OR51B5: variants seen among roughly 807,000 people sequenced by gnomAD.
OR51B5 encodes olfactory receptor family 51 subfamily B member 5, also known as olfactory receptor 51B5.
For synonymous variants in OR51B5, 186 were observed against 144.8 expected (o/e 1.28, Z -2.04); for missense variants, 456 against 374.6 (o/e 1.22, Z -1.79).
intron 1 of OR51B5, among the ~76,000 whole-genome samples, chr11:5,486,935 AGGG>A (rs1851507518): frequency 6.6e-6 from 1 of 152,194 alleles, no homozygotes. Flanking sequence ...ATGCAAATAA[AGGG>A]GACTTCCTAA....
At chr11:5,421,867 T>C (rs1278740692) in intron 1 of OR51B5, among the ~76,000 whole-genome samples, 6 of 152,226 alleles carry the variant, frequency 3.9e-5, no homozygotes, top group African/African-American at 1.4e-4. Context: ...GAGAACAGTA[T>C]TGATAGTGAG....
intron 1 of OR51B5, chr11:5,454,703 C>A: frequency 4.0e-6 from 1 of 247,950 alleles, no homozygotes; most frequent in Non-Finnish European, 7.7e-6. Context: ...GAATTATTTT[C>A]TATAATAATG....
chr11:5,341,120 G>C (rs987673518), downstream of OR51B5: 1 of 152,042 alleles, frequency 6.6e-6, no homozygotes, highest in Non-Finnish European at 1.5e-5. Context: ...TCTTAAGTTG[G>C]ACTCTCTATG....
intron 1 of OR51B5, among the ~76,000 whole-genome samples, chr11:5,367,689 TG>T (rs1389253480): frequency 6.6e-6 from 1 of 152,196 alleles, no homozygotes; most frequent in Non-Finnish European, 1.5e-5. Flanking sequence ...CCTAACTTTC[TG>T]GGAATACAGC....
rs191956197 is a variant in OR51B5 at position 5,493,535 on chromosome 11, C to T, written n.84+12034G>A. Among the ~76,000 whole-genome samples the T allele has an allele frequency of 5.9e-3, 892 of 152,178 alleles. 3 individuals are homozygous for T. Among genetic ancestry groups the T allele is most frequent in the African/African-American group, 0.019 (782 of 41,510 alleles). On this transcript the variant is annotated intron_variant and non_coding_transcript_variant, in intron 1 of 4. Coordinates refer to the OR51B5 transcript ENST00000415970. ...AGAAGGTAACAGTTTGAGTCTAGGT[C>T]GGTTAAACTTAACAACTATTAGATT...
At chr11:5,418,440 AAAACAAAAC>A (rs1317284656) in intron 1 of OR51B5, among the ~76,000 whole-genome samples, 2 of 151,946 alleles carry the variant, frequency 1.3e-5, no homozygotes, top group African/African-American at 4.8e-5. Context: ...AACAAAAAGA[AAAACAAAAC>A]AAACAAACAA....
intron 1 of OR51B5, chr11:5,453,472 C>T: frequency 6.7e-7 from 1 of 1,499,860 alleles, no homozygotes; most frequent in African/African-American, 1.4e-5. Context: ...TGAAAAGTAC[C>T]CTAAGTTTGT....
chr11:5,456,230 C>G (rs1564819572), intron 1 of OR51B5: 1 of 152,128 alleles, frequency 6.6e-6, no homozygotes, highest in South Asian at 2.1e-4. Flanking sequence ...GGGCAAGGAA[C>G]AAGAAAATAT....
At chr11:5,342,744 G>C (rs754820149) in exon 1 of OR51B5, 1 of 1,613,536 alleles carries the variant, frequency 6.2e-7, no homozygotes, top group South Asian at 1.1e-5. Flanking sequence ...TTTCCAAAAC[G>C]ATGAATCAGA....
intron 1 of OR51B5, among the ~76,000 whole-genome samples, chr11:5,473,339 G>A (rs1226262592): frequency 1.3e-5 from 2 of 152,206 alleles, no homozygotes; most frequent in Non-Finnish European, 2.9e-5. Flanking sequence ...AAAGGATGTC[G>A]GGGCCATCTT....
intron 1 of OR51B5, among the ~76,000 whole-genome samples, chr11:5,440,157 A>G (rs565520621): frequency 2.1e-4 from 32 of 152,232 alleles, no homozygotes; most frequent in African/African-American, 7.5e-4. Context: ...AAGCCTCCAT[A>G]TATTTTGTCT....
chr11:5,466,358 A>G (rs1214612345), intron 1 of OR51B5, among the ~76,000 whole-genome samples: 1 of 152,162 alleles, frequency 6.6e-6, no homozygotes, highest in Non-Finnish European at 1.5e-5. Flanking sequence ...AGTGTTGCAG[A>G]AGTACTCGCT....
rs1430672121 is a variant in OR51B5 at position 5,343,203 on chromosome 11, G to GA, written c.321dup (p.Leu108SerfsTer12). ...ATGGCAAGCAGAATGCCAGACTCGA[G>GA]AAAGGAAAGTGAGTGTATAAAGTAG... is the stretch of plus-strand genomic sequence containing the variant. On this transcript the variant is annotated frameshift_variant, in exon 1 of 1. Transcript: ENST00000300773. LOFTEE classifies it low-confidence loss of function (END_TRUNC). 4 of 1,613,776 alleles carry GA rather than the reference G, an allele frequency of 2.5e-6. No individual in the cohort carries two copies. The African/African-American group carries it at 5.3e-5, about 22-fold the overall frequency.
At chr11:5,465,558 TAC>T (rs1851127067) in intron 1 of OR51B5, among the ~76,000 whole-genome samples, 1 of 149,892 alleles carries the variant, frequency 6.7e-6, no homozygotes, top group African/African-American at 2.5e-5. Flanking sequence ...CTTCAAACTA[TAC>T]TACAAGGCTA....
intron 1 of OR51B5, among the ~76,000 whole-genome samples, chr11:5,387,641 A>G (rs1250727805): frequency 2.0e-5 from 3 of 152,132 alleles, no homozygotes; most frequent in African/African-American, 7.2e-5. Context: ...TGCTTCCTCC[A>G]TTGAATATAC....
chr11:5,451,088 T>G (rs1053253132), intron 1 of OR51B5, among the ~76,000 whole-genome samples: 1 of 152,248 alleles, frequency 6.6e-6, no homozygotes, highest in Non-Finnish European at 1.5e-5. Flanking sequence ...TAAAGTTCCT[T>G]GCAGAGCAGC....
chr11:5,345,079 G>A (rs925778577), upstream of OR51B5, among the ~76,000 whole-genome samples: 3 of 152,262 alleles, frequency 2.0e-5, no homozygotes, highest in East Asian at 1.9e-4. Flanking sequence ...TGTCAAAGAA[G>A]CAGGTAGTAA....
intron 1 of OR51B5, among the ~76,000 whole-genome samples, chr11:5,388,170 A>G (rs1181270139): frequency 6.6e-6 from 1 of 152,152 alleles, no homozygotes; most frequent in Non-Finnish European, 1.5e-5. Flanking sequence ...TTAATAATTT[A>G]TTCAAATAAT....
chr11:5,348,657 ATCT>A (rs1168098985), intron 1 of OR51B5, among the ~76,000 whole-genome samples: 2 of 152,046 alleles, frequency 1.3e-5, no homozygotes, highest in African/African-American at 4.8e-5. Flanking sequence ...CTACTCTTCC[ATCT>A]TCTTTTGCCT....
Sources: allele counts gnomAD v4.1 joint callset (sites outside exome capture counted in the v4.1 genomes callset), GRCh38; gene constraint gnomAD v4.1.1; transcripts MANE v1.5; gene names NCBI Gene and HGNC (gene_info 2026-07-23, HGNC 2026-07-21).